ENTREP3: variants seen among roughly 807,000 people sequenced by gnomAD.
ENTREP3 encodes the protein protein ENTREP3.
the ENTREP3 span, chr1:155,254,215 A>C: frequency 6.3e-7 from 1 of 1,588,442 alleles, no homozygotes; most frequent in Middle Eastern, 1.7e-4. This position sits in a 1 kb window ranked among gnomAD's most constrained non-coding sequence, Gnocchi z 4.4. Flanking sequence ...CAGGGTGCAG[A>C]CTCAGGGCTG....
At chr1:155,252,245 TG>T in the ENTREP3 span, among the ~76,000 whole-genome samples, 43 of 152,006 alleles carry the variant, frequency 2.8e-4, no homozygotes, top group East Asian at 8.3e-3. Context: ...ACTCTGTTGC[TG>T]GAGTGCAGTG....
At chr1:155,248,915 C>T in the ENTREP3 span, among the ~76,000 whole-genome samples, 1 of 151,776 alleles carries the variant, frequency 6.6e-6, no homozygotes, top group Non-Finnish European at 1.5e-5. Flanking sequence ...GGGGTTTCAC[C>T]ATGTTGGCTA....
the ENTREP3 span, chr1:155,250,207 G>T: frequency 4.9e-5 from 67 of 1,367,916 alleles, no homozygotes; most frequent in Middle Eastern, 1.0e-3. The surrounding 1 kb of genome is among the most constrained non-coding windows in gnomAD (Gnocchi z 5.4). Context: ...ATCCTGGTGG[G>T]CATCACTGGC....
At chr1:155,251,787 G>T in the ENTREP3 span, 1 of 1,600,092 alleles carries the variant, frequency 6.2e-7, no homozygotes, top group Non-Finnish European at 8.5e-7. Context: ...GTAGGGCGGT[G>T]GGGGCACAGG....
the ENTREP3 span, chr1:155,252,025 T>A: frequency 1.4e-6 from 1 of 707,676 alleles, no homozygotes. Context: ...AGAGAAGCTC[T>A]TGTTCTGGCC....
the ENTREP3 span, chr1:155,253,286 C>A: frequency 4.5e-6 from 1 of 222,724 alleles, no homozygotes; most frequent in Middle Eastern, 1.6e-3. Context: ...CTCAGGTGAT[C>A]CGCCTGCCTG....
At chr1:155,247,244 G>T in the ENTREP3 span, 1 of 348,650 alleles carries the variant, frequency 2.9e-6, no homozygotes, top group Non-Finnish European at 5.7e-6. Context: ...TTTATTGAAG[G>T]CTTACATACT....
the ENTREP3 span, chr1:155,254,349 C>T: frequency 6.2e-7 from 1 of 1,600,604 alleles, no homozygotes. The surrounding 1 kb of genome is among the most constrained non-coding windows in gnomAD (Gnocchi z 4.4). Flanking sequence ...TGGGCTTCCC[C>T]TTGCGTGCTG....
the ENTREP3 span, chr1:155,254,577 C>T: frequency 4.5e-6 from 7 of 1,557,086 alleles, no homozygotes; most frequent in African/African-American, 5.4e-5. The surrounding 1 kb of genome is among the most constrained non-coding windows in gnomAD (Gnocchi z 4.4). Context: ...GAGAGGCAAG[C>T]ATGTGGACTT....
At chr1:155,251,355 AG>A in the ENTREP3 span, 87 of 727,458 alleles carry the variant, frequency 1.2e-4, no homozygotes, top group Non-Finnish European at 2.1e-5. Flanking sequence ...ACCAGGCTCT[AG>A]GGAAGATCAA....
chr1:155,250,777 G>A, the ENTREP3 span: 6 of 1,610,904 alleles, frequency 3.7e-6, no homozygotes, highest in East Asian at 8.9e-5. This position sits in a 1 kb window ranked among gnomAD's most constrained non-coding sequence, Gnocchi z 5.4. Flanking sequence ...CCCCCAGGGA[G>A]GTCACCAATG....
the ENTREP3 span, chr1:155,254,140 A>G: frequency 6.2e-7 from 1 of 1,614,016 alleles, no homozygotes; most frequent in African/African-American, 1.3e-5. The surrounding 1 kb of genome is among the most constrained non-coding windows in gnomAD (Gnocchi z 4.4). Flanking sequence ...GAGAGAACAG[A>G]GCCAGCCATG....
chr1:155,254,065 C>T, the ENTREP3 span: 12 of 1,613,934 alleles, frequency 7.4e-6, no homozygotes, highest in Non-Finnish European at 1.0e-5. This position sits in a 1 kb window ranked among gnomAD's most constrained non-coding sequence, Gnocchi z 4.4. Flanking sequence ...CTTTCCAGCT[C>T]TCCCTCCTCA....
At chr1:155,255,028 CG>C in the ENTREP3 span, 1 of 638,486 alleles carries the variant, frequency 1.6e-6, no homozygotes, top group Non-Finnish European at 2.7e-6. This position sits in a 1 kb window ranked among gnomAD's most constrained non-coding sequence, Gnocchi z 5.6. Context: ...GGCCGAGGGA[CG>C]CCAGCTGTGG....
chr1:155,247,832 G>A, the ENTREP3 span: 25 of 1,484,500 alleles, frequency 1.7e-5, no homozygotes, highest in East Asian at 7.2e-5. Flanking sequence ...CTGTGGGGGC[G>A]GGTACCACGC....
the ENTREP3 span, chr1:155,247,864 A>G: frequency 6.6e-7 from 1 of 1,521,978 alleles, no homozygotes; most frequent in Admixed American, 2.2e-5. Context: ...GCCAGACAGG[A>G]GACGCCGCAG....
the ENTREP3 span, chr1:155,250,409 C>T: frequency 5.0e-6 from 2 of 401,738 alleles, no homozygotes; most frequent in Non-Finnish European, 1.0e-5. The surrounding 1 kb of genome is among the most constrained non-coding windows in gnomAD (Gnocchi z 5.4). Flanking sequence ...AGCGACGAGT[C>T]GGGGCTCGGG....
At chr1:155,252,542 G>C in the ENTREP3 span, among the ~76,000 whole-genome samples, 1 of 148,424 alleles carries the variant, frequency 6.7e-6, no homozygotes, top group Non-Finnish European at 1.5e-5. Flanking sequence ...GATAATTTTT[G>C]TATTTTTAGT....
chr1:155,254,913 T>A, the ENTREP3 span: 1 of 1,509,440 alleles, frequency 6.6e-7, no homozygotes, highest in South Asian at 1.2e-5. This position sits in a 1 kb window ranked among gnomAD's most constrained non-coding sequence, Gnocchi z 4.4. Flanking sequence ...CGCTCGGCCC[T>A]CCCTGGCACT....
Sources: gnomAD v4.1 joint callset for allele counts (sites outside exome capture counted in the v4.1 genomes callset) on GRCh38, gnomAD v4.1.1 for gene constraint, Gnocchi (gnomAD v3.1) non-coding constraint, MANE v1.5 for transcripts, NCBI Gene and HGNC (gene_info 2026-07-23, HGNC 2026-07-21) for gene names.